The following BRWD3 variants were observed in gnomAD, a reference collection of about 807,000 sequenced individuals.
BRWD3 encodes bromodomain and WD repeat domain containing 3, also known as bromodomain and WD repeat-containing protein 3.
BRWD3 carries 10 observed loss-of-function variants against 149.7 expected under a neutral mutation model. The ratio of observed to expected loss-of-function variants is 0.07; its 90% CI spans 0.04 to 0.11. The LOEUF is 0.11. Ranked by LOEUF, BRWD3 falls within the 10% of genes least tolerant of loss-of-function variation. BRWD3 has a pLI of 1.00. For synonymous variants in BRWD3, 504 were observed against 456.7 expected, an observed-to-expected ratio of 1.10 and a Z score of -1.32; for missense variants, 940 against 1,373.2, an observed-to-expected ratio of 0.68 and a Z score of 4.99.
intron 22 of BRWD3, among the ~76,000 whole-genome samples, chrX:80,705,805 A>T (rs1331361344): frequency 1.8e-5 from 2 of 111,972 alleles, no homozygotes; most frequent in African/African-American, 3.2e-5. Flanking sequence ...AAAGATTTTT[A>T]AAAATGTATA....
intron 6 of BRWD3, among the ~76,000 whole-genome samples, chrX:80,789,949 C>A (rs1057373852): frequency 9.4e-5 from 10 of 106,503 alleles, no homozygotes; most frequent in Non-Finnish European, 1.9e-4. Flanking sequence ...GAGACCAAGG[C>A]GGGTGGATCA....
chrX:80,688,860 T>A (rs1387419378), intron 33 of BRWD3, among the ~76,000 whole-genome samples: 1 of 110,958 alleles, frequency 9.0e-6, no homozygotes, highest in Non-Finnish European at 1.9e-5. Context: ...ATAAAAAAAA[T>A]TAGTGATACA....
At chrX:80,736,986 C>T (rs1453513435) in intron 8 of BRWD3, among the ~76,000 whole-genome samples, 1 of 112,029 alleles carries the variant, frequency 8.9e-6, no homozygotes, top group African/African-American at 3.2e-5. Flanking sequence ...GGTTTGAATA[C>T]ATTTTGAATG....
chrX:80,730,433 G>GAAAGAA (rs1162962483), intron 12 of BRWD3, among the ~76,000 whole-genome samples: 4 of 109,238 alleles, frequency 3.7e-5, no homozygotes, highest in African/African-American at 1.3e-4. Flanking sequence ...AAGAAAGAAA[G>GAAAGAA]AAAGAAAGAA....
chrX:80,752,524 G>A (rs1217149471), intron 6 of BRWD3, among the ~76,000 whole-genome samples: 1 of 111,470 alleles, frequency 9.0e-6, no homozygotes, highest in Non-Finnish European at 1.9e-5. Context: ...TACCAACAGT[G>A]TGTTAAGAGT....
chrX:80,687,342 G>T (rs1206749821), intron 34 of BRWD3, among the ~76,000 whole-genome samples: 2 of 111,190 alleles, frequency 1.8e-5, no homozygotes, highest in East Asian at 5.6e-4. Flanking sequence ...AAGTATACTT[G>T]ACAATGGCAT....
intron 6 of BRWD3, among the ~76,000 whole-genome samples, chrX:80,777,207 C>A (rs761971168): frequency 1.4e-4 from 15 of 109,933 alleles, no homozygotes; most frequent in South Asian, 3.9e-4. Context: ...CAGAATTTTA[C>A]TCCCAAGAAA....
At chrX:80,784,719 C>T (rs1388056322) in intron 6 of BRWD3, among the ~76,000 whole-genome samples, 1 of 112,166 alleles carries the variant, frequency 8.9e-6, no homozygotes, top group Non-Finnish European at 1.9e-5. Flanking sequence ...GACGTGATCC[C>T]ATTCCTTTTA....
At chrX:80,745,948 T>C (rs1443851537) in intron 6 of BRWD3, among the ~76,000 whole-genome samples, 1 of 110,826 alleles carries the variant, frequency 9.0e-6, no homozygotes, top group Non-Finnish European at 1.9e-5. Flanking sequence ...AAGGGACTGA[T>C]ATTCTGCTTG....
chrX:80,743,930 T>C, intron 8 of BRWD3, 102 bp downstream of exon 8: 1 of 694,416 alleles, frequency 1.4e-6, no homozygotes, highest in Non-Finnish European at 2.2e-6. Flanking sequence ...AGCATTTTTC[T>C]CTTGTTATTC....
intron 4 of BRWD3, among the ~76,000 whole-genome samples, chrX:80,806,040 A>T (rs2074345531): frequency 8.9e-6 from 1 of 112,318 alleles, no homozygotes; most frequent in South Asian, 3.6e-4. Context: ...TTTAATCAAA[A>T]ATATTACTGA....
chrX:80,803,097 AT>A (rs1262490935), intron 4 of BRWD3, among the ~76,000 whole-genome samples: 7 of 23,883 alleles, frequency 2.9e-4, no homozygotes, highest in Admixed American at 2.0e-3. Context: ...GCAAGACTCC[AT>A]CTCAAAAAAA....
chrX:80,746,279 G>T (rs2073592042), intron 6 of BRWD3, among the ~76,000 whole-genome samples: 1 of 110,489 alleles, frequency 9.1e-6, no homozygotes, highest in Non-Finnish European at 1.9e-5. Context: ...AACAACCTAG[G>T]TTTGTCTATG....
chrX:80,704,372 T>C (rs2072832261), intron 23 of BRWD3, among the ~76,000 whole-genome samples: 1 of 112,205 alleles, frequency 8.9e-6, no homozygotes, highest in Admixed American at 9.5e-5. Flanking sequence ...AATAATGTTG[T>C]CAGATAAAAC....
chrX:80,770,043 T>A (rs2073917533), intron 6 of BRWD3, among the ~76,000 whole-genome samples: 1 of 111,419 alleles, frequency 9.0e-6, no homozygotes, highest in Non-Finnish European at 1.9e-5. Flanking sequence ...CTCCCAAGAC[T>A]AAACCAGGAA....
chrX:80,797,713 C>G (rs149269089), intron 4 of BRWD3, among the ~76,000 whole-genome samples: 195 of 111,889 alleles, frequency 1.7e-3, no homozygotes, highest in African/African-American at 6.2e-3. Flanking sequence ...GTACAATAAA[C>G]AAGTTTGACT....
chrX:80,768,384 A>C (rs764401280), intron 6 of BRWD3, among the ~76,000 whole-genome samples: 1 of 112,030 alleles, frequency 8.9e-6, no homozygotes, highest in South Asian at 3.7e-4. Flanking sequence ...CGGATCTCTC[A>C]GCAAAAACTC....
intron 6 of BRWD3, among the ~76,000 whole-genome samples, chrX:80,753,463 CT>C (rs2073698064): frequency 9.1e-6 from 1 of 109,304 alleles, no homozygotes; most frequent in African/African-American, 3.3e-5. Flanking sequence ...TAGAGACAGG[CT>C]TTTGCCATGT....
At position 80,801,128 on chromosome X, in the gene BRWD3, TAA is replaced by T. The variant is rs767636217; in HGVS notation, c.181-7358_181-7357del. Among the ~76,000 whole-genome samples the T allele has an allele frequency of 1.1e-4, 12 of 106,184 alleles. No homozygotes were observed. In the South Asian group the frequency reaches 5.0e-3, roughly 44 times the overall value. 92.2% of individuals were successfully genotyped at this position (106,184 alleles called of 115,157 possible). Reference sequence around the variant, plus strand: ...TATATATCTATATATATCATGCTTCTAAAAAAAGTTAAGAAAACCACAAATAA... The same window carrying T: ...TATATATCTATATATATCATGCTTCTAAAAAGTTAAGAAAACCACAAATAA... On this transcript the variant is annotated intron_variant, in intron 4 of 40. Coordinates refer to ENST00000373275, the MANE Select transcript of BRWD3 (RefSeq NM_153252.5).
Sources: allele counts gnomAD v4.1 joint callset (sites outside exome capture counted in the v4.1 genomes callset), GRCh38; gene constraint gnomAD v4.1.1; transcripts MANE v1.5; gene names NCBI Gene and HGNC (gene_info 2026-07-23, HGNC 2026-07-21).